PKD1L3: variants seen among roughly 807,000 people sequenced by gnomAD.
The protein encoded by PKD1L3 is polycystin 1 like 3, transient receptor potential channel interacting.
Under a neutral mutation model 184.1 loss-of-function variants are expected in PKD1L3, and 239 were observed. The ratio of observed to expected loss-of-function variants is 1.30; its 90% confidence interval spans 1.17 to 1.45. The LOEUF is 1.45. PKD1L3 is among the 40% of genes most tolerant of loss of function. The probability of loss-of-function intolerance (pLI) is 0.00; values close to 1 mark genes in which losing one functional copy is unlikely to be tolerated. For missense variants in PKD1L3, 2,660 were observed against 2,067.2 expected (o/e 1.29, Z -5.56); for synonymous variants, 996 against 778.8 (o/e 1.28, Z -4.64).
intron 3 of PKD1L3, 76 bp downstream of exon 3, chr16:71,993,140 A>G: frequency 9.7e-7 from 1 of 1,029,630 alleles, no homozygotes; most frequent in South Asian, 1.6e-5. Flanking sequence ...TTTCAGCATT[A>G]ATTCAGTCTT....
chr16:71,995,405 G>A (rs12920844), intron 2 of PKD1L3, among the ~76,000 whole-genome samples: 45,427 of 152,086 alleles, frequency 0.3, 8,108 homozygotes, highest in South Asian at 0.45. Context: ...GGTACATTTC[G>A]AAAGGTCTCA....
chr16:71,958,988 G>C (rs2039162928), intron 16 of PKD1L3, among the ~76,000 whole-genome samples: 1 of 147,558 alleles, frequency 6.8e-6, no homozygotes, highest in Non-Finnish European at 1.5e-5. Context: ...TCCGGAGGCT[G>C]AGAAAGAATT....
Position 71,935,394 on chromosome 16 carries a change from T to A in PKD1L3, c.4577A>T (p.Lys1526Met). Residue 1526 changes from lysine to methionine, a missense_variant, in exon 26 of 30, where the codon AAG (lysine) becomes ATG (methionine). Coordinates refer to ENST00000620267, the MANE Select transcript of PKD1L3 (RefSeq NM_181536.2). ...GLDMKSISLH[K>M]KNMARYRDDQ... is the part of the protein sequence containing the mutation. ...ATCGCGGTATCGTGCCATGTTTTTCTTATGTAGAGAAATACTCTTCATGTC... is the reference window on the plus strand; with the variant it reads ...ATCGCGGTATCGTGCCATGTTTTTCATATGTAGAGAAATACTCTTCATGTC... 3.2e-6 allele frequency: 5 copies of A among 1,551,826 alleles called. No individual in the cohort carries two copies. Among genetic ancestry groups the A allele is most frequent in the Middle Eastern group, 1.7e-4 (1 of 5,992 alleles).
chr16:71,973,509 A>ACT lies in PKD1L3; in HGVS notation c.1766_1767dup (p.Tyr590SerfsTer6). On this transcript the variant is annotated frameshift_variant, in exon 12 of 30. Coordinates refer to ENST00000620267, the MANE Select transcript of PKD1L3 (RefSeq NM_181536.2). LOFTEE classifies it high-confidence loss of function. The stretch of plus-strand genomic sequence containing the variant: ...TGCTCTGGATTCAGCACCCACGTGT[A>ACT]CTCCTCATCTTAGAACAAAGAAGAG... The ACT allele has an allele frequency of 6.4e-7, 1 of 1,551,562 alleles. No individual in the cohort carries two copies. The highest frequency in any genetic ancestry group is 8.7e-7 in the Non-Finnish European group (1 of 1,146,936).
intron 16 of PKD1L3, among the ~76,000 whole-genome samples, chr16:71,955,940 T>C (rs910097236): frequency 6.6e-6 from 1 of 152,182 alleles, no homozygotes; most frequent in Non-Finnish European, 1.5e-5. Flanking sequence ...GTGAGTCAAT[T>C]AAACGTCTTT....
intron 2 of PKD1L3, among the ~76,000 whole-genome samples, chr16:71,997,182 A>C (rs146499196): frequency 1.3e-3 from 198 of 152,288 alleles, no homozygotes; most frequent in African/African-American, 4.6e-3. Flanking sequence ...TCTGTTATGA[A>C]TAAAGCTGCT....
At chr16:71,979,684 G>C (rs910499022) in intron 9 of PKD1L3, 102 bp downstream of exon 9, 21 of 1,341,226 alleles carry the variant, frequency 1.6e-5, no homozygotes, top group Admixed American at 3.3e-5. Context: ...CATCTGATCT[G>C]GTCTGTTCAG....
rs959668735 is a variant in PKD1L3 at position 71,951,477 on chromosome 16, C to A, written c.3190+87G>T. On this transcript the variant is annotated intron_variant, in intron 19 of 29. Coordinates refer to ENST00000620267, the MANE Select transcript of PKD1L3 (RefSeq NM_181536.2). The stretch of plus-strand genomic sequence containing the variant: ...AACCAGAAGGTTGTATCAGGCCTGT[C>A]GGTTATGAATGAGTAAGAAAGTAAG... 6.0e-6 allele frequency: 8 copies of A among 1,329,626 alleles called. No homozygotes were observed. In the African/African-American group the frequency reaches 8.9e-5, roughly 15 times the overall value. The allele number at this position is 1,329,626 out of a possible 1,614,324, so 82.4% of individuals were successfully genotyped here.
intron 16 of PKD1L3, among the ~76,000 whole-genome samples, chr16:71,961,130 C>T (rs1224557228): frequency 6.6e-6 from 1 of 151,160 alleles, no homozygotes; most frequent in Non-Finnish European, 1.5e-5. Context: ...TATTTGTTTT[C>T]TCTGTTTTGT....
intron 16 of PKD1L3, among the ~76,000 whole-genome samples, chr16:71,956,456 G>T (rs552736001): frequency 7.2e-5 from 11 of 152,150 alleles, no homozygotes; most frequent in African/African-American, 2.7e-4. Context: ...GCCTCCCAAA[G>T]TGCTGAGATT....
chr16:71,934,106 C>T lies in PKD1L3; in HGVS notation c.4633G>A (p.Ala1545Thr), dbSNP rs202129091. Residue 1545 changes from alanine (A) to threonine (T), a missense_variant, in exon 27 of 30, where the codon GCA (alanine) becomes ACA (threonine). Transcript: ENST00000620267. ...DQDRFISFYE[A>T]VKVNSAATHL... ...GTCGCAGCAGAGTTCACTTTTACTG[C>T]CTCATAGAAGCTGATGAATCTGCAC... is the stretch of plus-strand genomic sequence containing the variant. The T allele has an allele frequency of 3.1e-4, 485 of 1,551,768 alleles. 1 individual carries two copies. Among genetic ancestry groups the T allele is most frequent in the Middle Eastern group, 1.2e-3 (7 of 6,018 alleles).
chr16:71,986,008 T>G (rs928743741), intron 5 of PKD1L3, among the ~76,000 whole-genome samples: 1 of 152,214 alleles, frequency 6.6e-6, no homozygotes, highest in Admixed American at 6.5e-5. Flanking sequence ...TTAAATAGAA[T>G]AGCATTAAAT....
chr16:71,971,495 G>A (rs1407298565), intron 12 of PKD1L3, among the ~76,000 whole-genome samples: 1 of 152,150 alleles, frequency 6.6e-6, no homozygotes, highest in African/African-American at 2.4e-5. Context: ...CGCTGTATTT[G>A]GGGCAGCTCA....
In PKD1L3 at chr16:71,998,300, T is replaced by G. The variant is rs1042687002; in HGVS notation, c.390A>C (p.Leu130Phe). Residue 130 changes from leucine to phenylalanine, a missense_variant, in exon 2 of 30, where the codon TTA becomes TTC. By Grantham distance (22) the Leu-to-Phe change is conservative. Coordinates refer to ENST00000620267, the MANE Select transcript of PKD1L3 (RefSeq NM_181536.2). ...IRISSKGDKC[L>F]LKYYFICQTG... ...TCTGGCAAATGAAATAGTATTTCAGTAAGCACTTGTCCCCTTTGGATGAGA... is the reference window on the plus strand; with the variant it reads ...TCTGGCAAATGAAATAGTATTTCAGGAAGCACTTGTCCCCTTTGGATGAGA... The G allele has an allele frequency of 1.3e-6, 2 of 1,552,156 alleles. No individual in the cohort carries two copies. Among genetic ancestry groups the G allele is most frequent in the African/African-American group, 2.7e-5 (2 of 73,064 alleles).
At position 71,953,069 on chromosome 16, in the gene PKD1L3, G is replaced by C. The variant is rs371834826; in HGVS notation, c.2834C>G (p.Ser945Cys). The C allele has an allele frequency of 6.0e-6, 9 of 1,495,732 alleles. No individual in the cohort carries two copies. Among genetic ancestry groups the C allele is most frequent in the South Asian group, 5.4e-5 (4 of 74,274 alleles). The allele number at this position is 1,495,732 out of a possible 1,614,324, so 92.7% of individuals were successfully genotyped here. A position where few individuals can be genotyped will look rare whatever the true frequency, so the allele number is the denominator to read the frequency against. ...AGTATGGATGCTGACCAGCAGTTCA[G>C]ACCAGGCCACAGCAAATGGACGCAC... is the stretch of plus-strand genomic sequence containing the variant. The part of the protein sequence containing the change: ...EQMRPFAVAW[S>C]ELLVSIHTAV... The change falls in exon 18 of 30, where the codon TCT becomes TGT. Residue 945 changes from serine (S) to cysteine (C), a missense_variant. Transcript: ENST00000620267.
intron 10 of PKD1L3, among the ~76,000 whole-genome samples, chr16:71,977,826 G>A (rs1295548333): frequency 6.6e-6 from 1 of 152,114 alleles, no homozygotes; most frequent in Non-Finnish European, 1.5e-5. Flanking sequence ...CCAGGCTGGT[G>A]TGCAGCAGTG....
intron 5 of PKD1L3, 27 bp from the exon 6 acceptor site, chr16:71,984,194 A>C: frequency 6.5e-7 from 1 of 1,548,142 alleles, no homozygotes; most frequent in Non-Finnish European, 8.7e-7. Flanking sequence ...AGTTGTCAAA[A>C]TTACTCATAC....
intron 24 of PKD1L3, among the ~76,000 whole-genome samples, chr16:71,941,455 G>A (rs1227233925): frequency 4.6e-5 from 7 of 151,846 alleles, no homozygotes; most frequent in Non-Finnish European, 2.9e-5. Flanking sequence ...GAGTTACAAT[G>A]TCAAAATGCT....
At chr16:71,999,095 C>T (rs2040884780) in intron 1 of PKD1L3, among the ~76,000 whole-genome samples, 1 of 151,814 alleles carries the variant, frequency 6.6e-6, no homozygotes, top group Non-Finnish European at 1.5e-5. Flanking sequence ...CACAGTGAAA[C>T]CCCGTCTCTA....
Sources: gnomAD v4.1 joint callset for allele counts (sites outside exome capture counted in the v4.1 genomes callset) on GRCh38, gnomAD v4.1.1 for gene constraint, MANE v1.5 for transcripts, NCBI Gene and HGNC (gene_info 2026-07-23, HGNC 2026-07-21) for gene names.